Variants in OR4N2 observed in about 807,000 individuals in gnomAD.
The protein encoded by OR4N2 is olfactory receptor 4N2.
For synonymous variants in OR4N2, 141 were observed against 140.4 expected (o/e 1.00, Z -0.03); for missense variants, 307 against 377.6 (o/e 0.81, Z 1.55).
At chr14:19,810,109 A>G (rs1326809850) in intron 1 of OR4N2, among the ~76,000 whole-genome samples, 2 of 152,266 alleles carry the variant, frequency 1.3e-5, no homozygotes. Context: ...GCGCCCAACA[A>G]AGGTCTAATA....
intron 1 of OR4N2, among the ~76,000 whole-genome samples, chr14:19,806,458 A>G (rs1780890): frequency 0.083 from 12,481 of 149,772 alleles, 106 homozygotes; most frequent in East Asian, 0.18. Flanking sequence ...CAAGCCAACA[A>G]CAATTACCAA....
chr14:19,804,037 G>T (rs1172444398), intron 1 of OR4N2, among the ~76,000 whole-genome samples, 193 bp downstream of exon 1: 19 of 152,120 alleles, frequency 1.2e-4, no homozygotes, highest in Admixed American at 1.2e-3. Flanking sequence ...TGGGGTTGGT[G>T]GTAATGTTCC....
chr14:19,817,042 G>C (rs528935644), intron 1 of OR4N2, among the ~76,000 whole-genome samples: 489 of 152,280 alleles, frequency 3.2e-3, no homozygotes, highest in African/African-American at 0.011. Flanking sequence ...GGATGAAGCT[G>C]AGTTGATCAT....
chr14:19,824,449 C>T (rs146496777), intron 1 of OR4N2, among the ~76,000 whole-genome samples: 14,436 of 150,154 alleles, frequency 0.096, 407 homozygotes, highest in South Asian at 0.23. Flanking sequence ...CTTCAGAAAT[C>T]CTCAAATGTC....
At chr14:19,821,575 A>G (rs1290082297) in intron 1 of OR4N2, among the ~76,000 whole-genome samples, 2 of 152,172 alleles carry the variant, frequency 1.3e-5, no homozygotes, top group East Asian at 1.9e-4. Flanking sequence ...TAACACGTAA[A>G]TTTACTTCTC....
chr14:19,805,263 AT>A, intron 1 of OR4N2, among the ~76,000 whole-genome samples: 1 of 152,308 alleles, frequency 6.6e-6, no homozygotes, highest in South Asian at 2.1e-4. Context: ...AATTACTGAA[AT>A]GACAGACATA....
In OR4N2 at chr14:19,827,813, G is replaced by A. The variant is rs76952476; in HGVS notation, c.365G>A (p.Arg122His). 4.3e-3 allele frequency: 6,868 copies of A among 1,613,674 alleles called. 197 individuals carry two copies. The African/African-American group carries it at 0.081, about 19-fold the overall frequency. Residue 122 changes from arginine to histidine, a missense_variant, in exon 2 of 2, where the codon CGC (arginine) becomes CAC (histidine). Transcript: ENST00000557677. The part of the protein sequence containing the change: ...GLLLVVMAFD[R>H]YIAICRPLHY... Reference sequence around the variant, plus strand: ...CTCCTTGTTGTGATGGCCTTTGACCGCTACATCGCCATCTGCCGGCCTCTG... The same window carrying A: ...CTCCTTGTTGTGATGGCCTTTGACCACTACATCGCCATCTGCCGGCCTCTG...
chr14:19,822,004 T>C (rs1328343063), intron 1 of OR4N2: 3 of 152,270 alleles, frequency 2.0e-5, no homozygotes, highest in Non-Finnish European at 2.9e-5. Flanking sequence ...GCTCTTCATA[T>C]ATATACAAGA....
At chr14:19,813,377 T>C (rs1247273578) in intron 1 of OR4N2, among the ~76,000 whole-genome samples, 4 of 152,268 alleles carry the variant, frequency 2.6e-5, no homozygotes, top group Non-Finnish European at 5.9e-5. Context: ...TGTGGTTGGC[T>C]TGTGGGTAGT....
chr14:19,816,505 T>C (rs541624054), intron 1 of OR4N2, among the ~76,000 whole-genome samples: 1 of 152,400 alleles, frequency 6.6e-6, no homozygotes, highest in African/African-American at 2.4e-5. Context: ...TATCTATTAA[T>C]GGTGTATAGG....
At chr14:19,818,957 A>G (rs1466962628) in intron 1 of OR4N2, among the ~76,000 whole-genome samples, 1 of 152,230 alleles carries the variant, frequency 6.6e-6, no homozygotes, top group Non-Finnish European at 1.5e-5. Flanking sequence ...GTTTGGCTGG[A>G]TATTAAATTC....
chr14:19,811,848 T>C (rs1389118034), intron 1 of OR4N2, among the ~76,000 whole-genome samples: 14 of 152,366 alleles, frequency 9.2e-5, no homozygotes, highest in African/African-American at 3.1e-4. Context: ...CATTATAACA[T>C]ATGATGAAAT....
At chr14:19,816,150 T>A (rs1442531252) in intron 1 of OR4N2, among the ~76,000 whole-genome samples, 1 of 152,070 alleles carries the variant, frequency 6.6e-6, no homozygotes, top group Non-Finnish European at 1.5e-5. Context: ...CCAGATTTGT[T>A]CTTTTTGCTT....
At chr14:19,812,528 T>G (rs571350811) in intron 1 of OR4N2, among the ~76,000 whole-genome samples, 145 of 152,210 alleles carry the variant, frequency 9.5e-4, no homozygotes, top group East Asian at 1.4e-3. Context: ...TTGTTTGTTT[T>G]TTGTATTTTT....
intron 1 of OR4N2, among the ~76,000 whole-genome samples, chr14:19,812,544 G>A (rs770087462): frequency 2.6e-5 from 4 of 152,056 alleles, no homozygotes; most frequent in African/African-American, 9.7e-5. Context: ...TTTTTCAGTA[G>A]AGACGAGGTT....
At chr14:19,810,282 A>C (rs1040205503) in intron 1 of OR4N2, among the ~76,000 whole-genome samples, 13 of 152,246 alleles carry the variant, frequency 8.5e-5, no homozygotes, top group African/African-American at 3.1e-4. Flanking sequence ...CATCAAAACC[A>C]CAACGAGATA....
intron 1 of OR4N2, chr14:19,822,524 A>C (rs2318284): frequency 6.6e-6 from 1 of 151,784 alleles, no homozygotes. Context: ...TTGTAGAACC[A>C]AAAAAAAGCT....
chr14:19,812,816 A>G lies in OR4N2; in HGVS notation c.-10+8972A>G, dbSNP rs370247884. Among the ~76,000 whole-genome samples, 140 of 152,308 alleles carry G rather than the reference A, an allele frequency of 9.2e-4. 1 individual carries two copies. The South Asian group carries it at 0.018, about 19-fold the overall frequency. ...CTTCTTTTAGGAAGTATCTGTTCAT[A>G]TAAAAAGTGGTAATATTTTTTGAGG... On this transcript the variant is annotated intron_variant, in intron 1 of 1. Coordinates refer to ENST00000557677, the MANE Select transcript of OR4N2 (RefSeq NM_001004723.3).
At chr14:19,824,214 T>C (rs1815978098) in intron 1 of OR4N2, among the ~76,000 whole-genome samples, 1 of 152,220 alleles carries the variant, frequency 6.6e-6, no homozygotes, top group South Asian at 2.1e-4. Flanking sequence ...CAGAAACTTA[T>C]TTTATTTTGC....
Sources: allele counts gnomAD v4.1 joint callset (sites outside exome capture counted in the v4.1 genomes callset), GRCh38; gene constraint gnomAD v4.1.1; transcripts MANE v1.5; gene names NCBI Gene and HGNC (gene_info 2026-07-23, HGNC 2026-07-21).